Variants in SHISA9 observed in about 807,000 individuals in gnomAD.
SHISA9 encodes protein shisa-9.
A neutral mutation model predicts 38.0 loss-of-function variants in SHISA9; 13 were observed. The ratio of observed to expected loss-of-function variants is 0.34; its 90% confidence interval spans 0.22 to 0.54. The LOEUF (loss-of-function observed/expected upper bound fraction) is 0.54, where lower values mean the gene tolerates loss of function less well. SHISA9 is among the 20% of genes least tolerant of loss of function. The probability of loss-of-function intolerance (pLI) is 0.91; values close to 1 mark genes in which losing one functional copy is unlikely to be tolerated. For missense variants in SHISA9, 538 were observed against 575.8 expected (o/e 0.93, Z 0.67); for synonymous variants, 275 against 242.0 (o/e 1.14, Z -1.27).
At chr16:13,214,702 G>A (rs1348844175) in intron 4 of SHISA9, among the ~76,000 whole-genome samples, 2 of 152,194 alleles carry the variant, frequency 1.3e-5, no homozygotes, top group Non-Finnish European at 2.9e-5. Context: ...GGGCAGAAGG[G>A]AAGGAGGAGC....
At chr16:13,059,348 C>T (rs936028402) in intron 2 of SHISA9, among the ~76,000 whole-genome samples, 1 of 151,986 alleles carries the variant, frequency 6.6e-6, no homozygotes, top group African/African-American at 2.4e-5. Flanking sequence ...AGGATGGTCT[C>T]AATCTCCTGA....
chr16:12,972,049 G>GTGTGTGTT (rs1203868269), intron 2 of SHISA9, among the ~76,000 whole-genome samples: 1 of 148,480 alleles, frequency 6.7e-6, no homozygotes, highest in Non-Finnish European at 1.5e-5. Flanking sequence ...GTTTGTGTGT[G>GTGTGTGTT]TGTGTGTGTG....
intron 2 of SHISA9, among the ~76,000 whole-genome samples, chr16:12,996,959 A>T (rs1567176314): frequency 6.6e-6 from 1 of 152,140 alleles, no homozygotes; most frequent in Non-Finnish European, 1.5e-5. Flanking sequence ...CCAACTGCCA[A>T]ATCCTTAGGC....
chr16:12,968,907 C>T (rs2072016713), intron 2 of SHISA9, among the ~76,000 whole-genome samples: 1 of 152,198 alleles, frequency 6.6e-6, no homozygotes, highest in South Asian at 2.1e-4. Flanking sequence ...TGGCTCACAC[C>T]TGTAATCCCA....
At chr16:13,019,906 T>TC (rs2072820357) in intron 2 of SHISA9, among the ~76,000 whole-genome samples, 1 of 59,568 alleles carries the variant, frequency 1.7e-5, no homozygotes, top group Non-Finnish European at 4.0e-5. Context: ...TTTCTTTCTT[T>TC]CTTTCTTTCT....
chr16:13,434,419 G>GTTTTTTTTTTTTTTTTTTT, the SHISA9 span, among the ~76,000 whole-genome samples: 986 of 64,272 alleles, frequency 0.015, 121 homozygotes, highest in East Asian at 0.039. Context: ...GACAAGCTAT[G>GTTTTTTTTTTTTTTTTTTT]TTTTTTTTTT....
chr16:13,201,037 G>A lies in SHISA9; in HGVS notation c.692-2357G>A, dbSNP rs1453210053. Among the ~76,000 whole-genome samples the A allele has an allele frequency of 1.5e-5, 2 of 135,536 alleles. 1 individual carries two copies. The highest frequency in any genetic ancestry group is 3.2e-5 in the Non-Finnish European group (2 of 62,112). The allele number at this position is 135,536 out of a possible 152,430, so 88.9% of individuals were successfully genotyped here. ...GTAACAAATAAACACACACCTCTAAGGTTATGAGGGAAGCAGTGTAGGAAA... is the reference window on the plus strand; with the variant it reads ...GTAACAAATAAACACACACCTCTAAAGTTATGAGGGAAGCAGTGTAGGAAA... On this transcript the variant is annotated intron_variant, in intron 2 of 4. Transcript: ENST00000558583.
Position 13,235,325 on chromosome 16 carries a change from C to T in SHISA9, c.1191C>T (p.Ser397=), listed in dbSNP as rs1028200152. The change falls in exon 5 of 5, where the codon AGC becomes AGT. Residue 397 remains serine, a synonymous_variant. Transcript: ENST00000558583. The stretch of plus-strand genomic sequence containing the variant: ...TTGGCACGGCCGAGACAGGCTCCAG[C>T]GACCCCTTGGGAACTCGCCCCCAGC... The part of the protein sequence containing the change: ...GKLGTAETGS[S]DPLGTRPQHY... The T allele has an allele frequency of 3.9e-6, 6 of 1,548,262 alleles. No individual in the cohort carries two copies. The highest frequency in any genetic ancestry group is 5.2e-6 in the Non-Finnish European group (6 of 1,146,994).
chr16:12,910,810 G>A (rs2141713842), intron 1 of SHISA9: 2 of 845,798 alleles, frequency 2.4e-6, no homozygotes, highest in Non-Finnish European at 2.8e-6. Flanking sequence ...AAAATCTCCA[G>A]AGCCTCTGTA....
At chr16:12,989,777 C>A (rs959248660) in intron 2 of SHISA9, among the ~76,000 whole-genome samples, 5 of 151,920 alleles carry the variant, frequency 3.3e-5, no homozygotes, top group African/African-American at 1.2e-4. Context: ...TATTATTTTT[C>A]TTCGACTTTT....
chr16:12,984,951 G>A lies in SHISA9; in HGVS notation c.691+68136G>A, dbSNP rs1043337450. ...CTAATGTATGTCCAGAGCTCCCGACGGGATTAGGCTGAGGCCGAGACTTGC... is the reference window on the plus strand; with the variant it reads ...CTAATGTATGTCCAGAGCTCCCGACAGGATTAGGCTGAGGCCGAGACTTGC... On this transcript the variant is annotated intron_variant, in intron 2 of 4. Coordinates refer to ENST00000558583, the MANE Select transcript of SHISA9 (RefSeq NM_001145204.3). Among the ~76,000 whole-genome samples, 3 of 152,258 alleles carry A rather than the reference G, an allele frequency of 2.0e-5. No homozygotes were observed. In the South Asian group the frequency reaches 6.2e-4, roughly 32 times the overall value.
intron 2 of SHISA9, among the ~76,000 whole-genome samples, chr16:13,066,019 C>G (rs955707891): frequency 6.6e-6 from 1 of 152,222 alleles, no homozygotes; most frequent in Non-Finnish European, 1.5e-5. Flanking sequence ...AATTTACCAT[C>G]CAAAGGGTCT....
the SHISA9 span, among the ~76,000 whole-genome samples, chr16:13,247,771 C>T: frequency 3.3e-5 from 5 of 152,164 alleles, no homozygotes; most frequent in African/African-American, 4.8e-5. Context: ...TTGAATTTTT[C>T]CTTTTTGCAA....
At chr16:13,433,077 A>T in the SHISA9 span, among the ~76,000 whole-genome samples, 15 of 150,696 alleles carry the variant, frequency 1.0e-4, no homozygotes, top group African/African-American at 3.2e-4. Context: ...TAAAAATTTT[A>T]AAAAATGCTA....
Position 13,009,372 on chromosome 16 carries a change from G to A in SHISA9, c.691+92557G>A, listed in dbSNP as rs1399925267. On this transcript the variant is annotated intron_variant, in intron 2 of 4. Transcript: ENST00000558583. ...CATTCAGGAAGGTGGGTCAGCCGGA[G>A]CAAAGGCACAGAGATGAGAATGCAC... Among the ~76,000 whole-genome samples the A allele has an allele frequency of 2.0e-5, 3 of 152,170 alleles. No individual in the cohort carries two copies. The East Asian group carries it at 5.8e-4, about 29-fold the overall frequency.
the SHISA9 span, among the ~76,000 whole-genome samples, chr16:13,498,841 G>C: frequency 3.3e-5 from 5 of 152,180 alleles, no homozygotes; most frequent in African/African-American, 4.8e-5. Context: ...ACATCCACCA[G>C]GGTATTACTC....
chr16:13,418,627 C>G, the SHISA9 span, among the ~76,000 whole-genome samples: 1 of 152,168 alleles, frequency 6.6e-6, no homozygotes, highest in Admixed American at 6.5e-5. Flanking sequence ...AGAGCAGAAG[C>G]TGCTGGAGCT....
chr16:13,155,151 G>A (rs2050533162), intron 2 of SHISA9, among the ~76,000 whole-genome samples: 1 of 152,212 alleles, frequency 6.6e-6, no homozygotes, highest in Non-Finnish European at 1.5e-5. Context: ...GAAATGAAAT[G>A]GAAGTAGATT....
intron 2 of SHISA9, among the ~76,000 whole-genome samples, chr16:13,013,221 A>C (rs757148793): frequency 1.3e-5 from 2 of 152,176 alleles, no homozygotes; most frequent in Admixed American, 1.3e-4. Context: ...TGGAGCCTAC[A>C]GCTTTGACCG....
Sources: allele counts gnomAD v4.1 joint callset (sites outside exome capture counted in the v4.1 genomes callset), GRCh38; gene constraint gnomAD v4.1.1; transcripts MANE v1.5; gene names NCBI Gene and HGNC (gene_info 2026-07-23, HGNC 2026-07-21).